The following CLASRP variants were observed in gnomAD, a reference collection of about 807,000 sequenced individuals.
CLASRP encodes CLK4 associating serine/arginine rich protein, also known as CLK4-associating serine/arginine rich protein.
A neutral mutation model predicts 99.9 loss-of-function variants in CLASRP; 52 were observed. The observed-to-expected ratio is 0.52, with a 90% CI of 0.42 to 0.66. CLASRP has a LOEUF of 0.66. Ranked by LOEUF, CLASRP falls within the 30% of genes least tolerant of loss-of-function variation. The pLI is 0.00. For missense variants in CLASRP, 848 were observed against 999.2 expected, an observed-to-expected ratio of 0.85 and a Z score of 2.04; for synonymous variants, 379 against 373.0, an observed-to-expected ratio of 1.02 and a Z score of -0.18.
In CLASRP at chr19:45,066,622, C is replaced by CAAAA. The variant is rs35834419; in HGVS notation, c.1410-692_1410-689dup. ...CCTGGGCGACAGAGAGAGACTGTCT[C>CAAAA]AAAAAAAAAAAAAAAAAAAAAAAAA... On this transcript the variant is annotated intron_variant, in intron 13 of 20. Transcript: ENST00000221455. Among the ~76,000 whole-genome samples the CAAAA allele has an allele frequency of 2.9e-3, 54 of 18,662 alleles. 2 individuals carry two copies. The highest frequency in any genetic ancestry group is 7.5e-3 in the African/African-American group (41 of 5,438). The allele number at this position is 18,662 out of a possible 152,430, so 12.2% of individuals were successfully genotyped here. A position where few individuals can be genotyped will look rare whatever the true frequency, so the allele number is the denominator to read the frequency against.
chr19:45,062,676 C>T lies in CLASRP; in HGVS notation c.905+481C>T, dbSNP rs190858829. Among the ~76,000 whole-genome samples the T allele has an allele frequency of 1.4e-3, 220 of 152,256 alleles. 2 individuals carry two copies. Among genetic ancestry groups the T allele is most frequent in the African/African-American group, 4.8e-3 (201 of 41,536 alleles). On this transcript the variant is annotated intron_variant, in intron 11 of 20. Coordinates refer to ENST00000221455, the MANE Select transcript of CLASRP (RefSeq NM_007056.3). Reference sequence around the variant, plus strand: ...GATTACAGGCGTGAGCCACCACGCCCGGCCAATAAAATTTTCTTTATCTTT... The same window carrying T: ...GATTACAGGCGTGAGCCACCACGCCTGGCCAATAAAATTTTCTTTATCTTT...
intron 2 of CLASRP, among the ~76,000 whole-genome samples, chr19:45,049,996 G>GAT (rs1383011165): frequency 1.3e-5 from 2 of 152,166 alleles, no homozygotes; most frequent in Non-Finnish European, 2.9e-5. Context: ...GAGCTATTTA[G>GAT]ATAGAGTCAC....
At chr19:45,042,511 T>A (rs184800234) in intron 2 of CLASRP, among the ~76,000 whole-genome samples, 11 of 148,610 alleles carry the variant, frequency 7.4e-5, no homozygotes, top group African/African-American at 2.7e-4. Flanking sequence ...AAAAAAAAAT[T>A]TATATATATA....
chr19:45,069,514 G>C (rs1967183586), intron 18 of CLASRP: 1 of 580,824 alleles, frequency 1.7e-6, no homozygotes, highest in African/African-American at 1.9e-5. Context: ...CTGTTTTTTT[G>C]GCCTGGCAAG....
In CLASRP at chr19:45,059,260, T is replaced by G. The variant is rs1440198314; in HGVS notation, c.614-8T>G. On this transcript the variant is annotated splice_polypyrimidine_tract_variant and splice_region_variant and intron_variant, in intron 7 of 20. Coordinates refer to ENST00000221455, the MANE Select transcript of CLASRP (RefSeq NM_007056.3). ...CCGTGGCTCCTGACAGCCTTTCTCT[T>G]GGTGCAGACGTGGAGGTGGACGTGG... is the stretch of plus-strand genomic sequence containing the variant. 1.4e-5 allele frequency: 22 copies of G among 1,606,954 alleles called. No individual in the cohort carries two copies. The highest frequency in any genetic ancestry group is 1.9e-5 in the Non-Finnish European group (22 of 1,176,534).
intron 20 of CLASRP, 64 bp from the exon 21 acceptor site, chr19:45,070,739 A>C: frequency 7.0e-7 from 1 of 1,435,550 alleles, no homozygotes; most frequent in Non-Finnish European, 9.8e-7. Context: ...TGAAGCATCC[A>C]CGGCCCCAGG....
Position 45,044,573 on chromosome 19 carries a change from A to C in CLASRP, c.99+4262A>C, listed in dbSNP as rs115878908. Among the ~76,000 whole-genome samples the C allele has an allele frequency of 2.7e-3, 418 of 152,282 alleles. 1 individual carries two copies. Among genetic ancestry groups the C allele is most frequent in the African/African-American group, 9.4e-3 (392 of 41,554 alleles). On this transcript the variant is annotated intron_variant, in intron 2 of 20. Transcript: ENST00000221455. ...CATGCAGAAATAGAGGTTCAAAAAGATGAGGCATAGCAAGACCCCATCTCT... is the reference window on the plus strand; with the variant it reads ...CATGCAGAAATAGAGGTTCAAAAAGCTGAGGCATAGCAAGACCCCATCTCT...
intron 13 of CLASRP, among the ~76,000 whole-genome samples, chr19:45,066,764 C>T (rs371319082): frequency 6.6e-6 from 1 of 151,940 alleles, no homozygotes; most frequent in South Asian, 2.1e-4. Flanking sequence ...GACCTGGGCA[C>T]ATCTTGCATG....
chr19:45,064,361 CTCCTCCTCCTCTTCT>C lies in CLASRP; in HGVS notation c.1141_1155del (p.Ser381_Ser385del). On this transcript the variant is annotated inframe_deletion, in exon 13 of 21. Coordinates refer to ENST00000221455, the MANE Select transcript of CLASRP (RefSeq NM_007056.3). ...CCTGCAGCCGCCGCTCCTCCTCCTC[CTCCTCCTCCTCTTCT>C]GCCTCGAGGACCTCCAGCTCCCGCT... 6.5e-7 allele frequency: 1 copy of C among 1,533,316 alleles called. No individual in the cohort carries two copies. The highest frequency in any genetic ancestry group is 8.7e-7 in the Non-Finnish European group (1 of 1,144,456). The allele number at this position is 1,533,316 out of a possible 1,614,324, so 95.0% of individuals were successfully genotyped here.
At position 45,069,109 on chromosome 19, in the gene CLASRP, G is replaced by A. The variant is rs767784312; in HGVS notation, c.1812G>A (p.Gln604=). ...CGGCACAAGAAAAGATGATCCAGCA[G>A]GAGCATGAGCGGCAGGTGAAGTGGG... The part of the protein sequence containing the change: ...KKAAQEKMIQ[Q]EHERQEREDE... The change falls in exon 17 of 21, where the codon CAG becomes CAA. Residue 604 remains glutamine, a synonymous_variant. Coordinates refer to ENST00000221455, the MANE Select transcript of CLASRP (RefSeq NM_007056.3). 6.2e-7 allele frequency: 1 copy of A among 1,614,204 alleles called. No individual in the cohort carries two copies. Among genetic ancestry groups the A allele is most frequent in the Admixed American group, 1.7e-5 (1 of 60,028 alleles).
rs1967124884 is a variant in CLASRP, at chr19:45,067,688, C to T, written c.1667+94C>T. 2 of 1,213,366 alleles carry T rather than the reference C, an allele frequency of 1.6e-6. No individual in the cohort carries two copies. Among genetic ancestry groups the T allele is most frequent in the Non-Finnish European group, 2.3e-6 (2 of 876,230 alleles). The allele number at this position is 1,213,366 out of a possible 1,614,324, so 75.2% of individuals were successfully genotyped here. On this transcript the variant is annotated intron_variant, in intron 14 of 20. Transcript: ENST00000221455. The surrounding 1 kb of genome is among the most constrained non-coding windows in gnomAD (Gnocchi z 4.9). ...CTTTTTGAGGGGAACTTAGCCCTAC[C>T]CTGGGAGGTCTGGGGGGTGGTGTAT...
At chr19:45,047,389 G>A (rs1336025090) in intron 2 of CLASRP, 1 of 140,398 alleles carries the variant, frequency 7.1e-6, no homozygotes, top group African/African-American at 2.6e-5. Context: ...TCCAGCCTGG[G>A]TGACAGAGCA....
chr19:45,069,187 C>T lies in CLASRP; in HGVS notation c.1828-15C>T. 6.2e-7 allele frequency: 1 copy of T among 1,614,058 alleles called. No individual in the cohort carries two copies. Among genetic ancestry groups the T allele is most frequent in the Non-Finnish European group, 8.5e-7 (1 of 1,179,990 alleles). Reference sequence around the variant, plus strand: ...TGCTGGCCTGGCCACGTCCTCATAGCCCTGTCTGCTGCAGGAGCGGGAAGA... The same window carrying T: ...TGCTGGCCTGGCCACGTCCTCATAGTCCTGTCTGCTGCAGGAGCGGGAAGA... On this transcript the variant is annotated splice_polypyrimidine_tract_variant and intron_variant, in intron 17 of 20. Coordinates refer to ENST00000221455, the MANE Select transcript of CLASRP (RefSeq NM_007056.3).
intron 5 of CLASRP, among the ~76,000 whole-genome samples, chr19:45,054,132 C>T (rs1177435213): frequency 2.0e-5 from 3 of 152,250 alleles, no homozygotes; most frequent in Non-Finnish European, 2.9e-5. Flanking sequence ...AGGGAAACTT[C>T]TCGCTGCTCT....
chr19:45,045,797 C>T (rs905394840), intron 2 of CLASRP, among the ~76,000 whole-genome samples: 6 of 151,940 alleles, frequency 3.9e-5, no homozygotes, highest in African/African-American at 7.3e-5. Flanking sequence ...TGGCCAGCGT[C>T]GCTATCGCTC....
chr19:45,060,466 C>T lies in CLASRP; in HGVS notation c.788C>T (p.Ser263Leu). ...CTTGAGGAGGAGAAGGCCATGTACT[C>T]GGTGAGGTCTGGGCTGGAGTGGAAG... The part of the protein sequence containing the change: ...KALEEEKAMY[S>L]GRRSRRQRRE... The change falls in exon 9 of 21, where the codon TCG becomes TTG. Residue 263 changes from serine to leucine, a missense_variant and splice_region_variant. Coordinates refer to ENST00000221455, the MANE Select transcript of CLASRP (RefSeq NM_007056.3). This position sits in a 1 kb window ranked among gnomAD's most constrained non-coding sequence, Gnocchi z 4.6. 2 of 1,614,140 alleles carry T rather than the reference C, an allele frequency of 1.2e-6. No individual in the cohort carries two copies. Among genetic ancestry groups the T allele is most frequent in the Non-Finnish European group, 1.7e-6 (2 of 1,179,988 alleles).
At chr19:45,043,912 G>A (rs981466606) in intron 2 of CLASRP, among the ~76,000 whole-genome samples, 1 of 151,484 alleles carries the variant, frequency 6.6e-6, no homozygotes. Context: ...GATGGAGTCT[G>A]GCTCTGTCGC....
At chr19:45,056,926 T>C (rs1350487853) in intron 6 of CLASRP, among the ~76,000 whole-genome samples, 3 of 152,156 alleles carry the variant, frequency 2.0e-5, no homozygotes, top group East Asian at 3.9e-4. Context: ...GTGAAGTACC[T>C]ATTCCAGCAC....
intron 13 of CLASRP, among the ~76,000 whole-genome samples, chr19:45,065,866 G>C (rs952222705): frequency 2.2e-4 from 33 of 152,194 alleles, no homozygotes; most frequent in Admixed American, 1.8e-3. Context: ...GCTTAGGACA[G>C]GGCTGGTGCT....
Sources: gnomAD v4.1 joint callset for allele counts (sites outside exome capture counted in the v4.1 genomes callset) on GRCh38, gnomAD v4.1.1 for gene constraint, Gnocchi (gnomAD v3.1) non-coding constraint, MANE v1.5 for transcripts, NCBI Gene and HGNC (gene_info 2026-07-23, HGNC 2026-07-21) for gene names.